CPLANE1: variants seen among roughly 807,000 people sequenced by gnomAD.
CPLANE1 encodes ciliogenesis and planar polarity effector 1.
A neutral mutation model predicts 362.5 loss-of-function variants in CPLANE1; 263 were observed. The observed-to-expected ratio is 0.73, with a 90% CI of 0.66 to 0.80. The LOEUF is 0.80. Among genes scored for constraint, CPLANE1 ranks in the 30% least tolerant of loss-of-function variants. The probability of loss-of-function intolerance (pLI) is 0.00; values close to 1 mark genes in which losing one functional copy is unlikely to be tolerated. For missense variants in CPLANE1, 3,461 were observed against 3,793.4 expected, an observed-to-expected ratio of 0.91 and a Z score of 2.30; for synonymous variants, 1,212 against 1,302.6, an observed-to-expected ratio of 0.93 and a Z score of 1.50.
At chr5:37,163,233 C>G (rs1436380372) in intron 37 of CPLANE1, among the ~76,000 whole-genome samples, 1 of 152,066 alleles carries the variant, frequency 6.6e-6, no homozygotes, top group East Asian at 1.9e-4. Flanking sequence ...GATGGGGAAA[C>G]AGGTTAAATT....
At position 37,227,690 on chromosome 5, in the gene CPLANE1, C is replaced by T. The variant is rs1561670145; in HGVS notation, c.1249G>A (p.Gly417Arg). 1 of 1,551,302 alleles carries T rather than the reference C, an allele frequency of 6.4e-7. No individual in the cohort carries two copies. The highest frequency in any genetic ancestry group is 1.2e-5 in the South Asian group (1 of 84,054). The change falls in exon 10 of 53, where the codon GGA (glycine) becomes AGA (arginine). Residue 417 changes from glycine to arginine, a missense_variant. Physicochemically the swap from Gly to Arg is moderately radical, Grantham distance 125 (BLOSUM62 -2). Around this residue, in one of 2 missense-constraint regions of CPLANE1, gnomAD observed 3,380 missense variants for 3,666.1 expected, o/e 0.92. Transcript: ENST00000651892. Reference sequence around the variant, plus strand: ...AATCGAAGGGTTGTGACCATATATCCATCAGATATAACGAGGTAGGGTAAC... The same window carrying T: ...AATCGAAGGGTTGTGACCATATATCTATCAGATATAACGAGGTAGGGTAAC... ...SRLPYLVISD[G>R]YMVTTLRFLD...
chr5:37,165,189 G>C (rs1777910517), intron 36 of CPLANE1, among the ~76,000 whole-genome samples: 1 of 152,170 alleles, frequency 6.6e-6, no homozygotes. Flanking sequence ...GGAAATCCTA[G>C]AGGAATCTCA....
chr5:37,198,268 G>C (rs555223971), intron 20 of CPLANE1, among the ~76,000 whole-genome samples: 15 of 152,150 alleles, frequency 9.9e-5, no homozygotes, highest in African/African-American at 3.1e-4. Flanking sequence ...AAATAGCAAG[G>C]GGGAGACCCT....
intron 17 of CPLANE1, among the ~76,000 whole-genome samples, chr5:37,205,824 C>T (rs1010093999): frequency 2.0e-5 from 3 of 152,170 alleles, no homozygotes; most frequent in African/African-American, 7.2e-5. Flanking sequence ...AGTGATCTTC[C>T]CACCTCAGCC....
At chr5:37,079,876 G>C in the CPLANE1 span, among the ~76,000 whole-genome samples, 2 of 152,186 alleles carry the variant, frequency 1.3e-5, no homozygotes, top group Non-Finnish European at 2.9e-5. Context: ...TATTTGAATT[G>C]TTGAGAAATG....
intron 46 of CPLANE1, among the ~76,000 whole-genome samples, chr5:37,134,193 A>T (rs2365840): frequency 0.046 from 7,013 of 152,146 alleles, 553 homozygotes; most frequent in African/African-American, 0.16. Context: ...TTGATTTTTT[A>T]AAAGAGTTTC....
chr5:37,179,916 T>C (rs1041963850), intron 28 of CPLANE1, 101 bp downstream of exon 28: 1 of 681,596 alleles, frequency 1.5e-6, no homozygotes, highest in Non-Finnish European at 2.4e-6. Flanking sequence ...ACTGTAAACA[T>C]ACTAACTTAG....
At position 37,243,123 on chromosome 5, in the gene CPLANE1, T is replaced by C. The variant is rs1581041456; in HGVS notation, c.571-4A>G. The stretch of plus-strand genomic sequence containing the variant: ...ACAGGCAGCAGTCTCCAAATAACTG[T>C]AGATAAATTTAATATACTTTAGTAT... On this transcript the variant is annotated splice_region_variant and splice_polypyrimidine_tract_variant and intron_variant, in intron 5 of 52. Transcript: ENST00000651892. The C allele has an allele frequency of 6.8e-7, 1 of 1,472,116 alleles. No homozygotes were observed. The highest frequency in any genetic ancestry group is 9.2e-7 in the Non-Finnish European group (1 of 1,089,834). The allele number at this position is 1,472,116 out of a possible 1,614,324, so 91.2% of individuals were successfully genotyped here.
chr5:37,137,142 T>C (rs190059692), intron 46 of CPLANE1, among the ~76,000 whole-genome samples: 46 of 152,314 alleles, frequency 3.0e-4, no homozygotes, highest in African/African-American at 1.1e-3. Flanking sequence ...CTTGAATGCT[T>C]TGCCACTTAG....
At chr5:37,088,356 G>A in the CPLANE1 span, among the ~76,000 whole-genome samples, 1 of 152,198 alleles carries the variant, frequency 6.6e-6, no homozygotes, top group African/African-American at 2.4e-5. Flanking sequence ...GGTAGGAACT[G>A]AGACAAACAA....
rs1049036124 is a variant in CPLANE1 at position 37,165,568 on chromosome 5, CATT to C, written c.7501_7503del (p.Asn2501del). ...GGTTTCTTAATGATTTCTGAATCAT[CATT>C]ATTAATTATGGAATTCTCTGGTCGA... On this transcript the variant is annotated inframe_deletion, in exon 36 of 53. Transcript: ENST00000651892. The C allele has an allele frequency of 6.2e-7, 1 of 1,608,356 alleles. No homozygotes were observed. The highest frequency in any genetic ancestry group is 1.1e-5 in the South Asian group (1 of 89,226).
the CPLANE1 span, among the ~76,000 whole-genome samples, chr5:37,076,605 C>A: frequency 6.6e-6 from 1 of 152,084 alleles, no homozygotes; most frequent in East Asian, 1.9e-4. Context: ...AGCCACCACA[C>A]CTGGCGATGT....
In CPLANE1 at chr5:37,227,241, A is replaced by T. The variant is rs997201268; in HGVS notation, c.1521+2T>A. ...AGTAAATAAAATTCTGCTGCTAAGT[A>T]CCTGAAAATCTGCTGCATTTTCATT... is the stretch of plus-strand genomic sequence containing the variant. On this transcript the variant is annotated splice_donor_variant, in intron 11 of 52. Transcript: ENST00000651892. LOFTEE classifies it high-confidence loss of function. The T allele has an allele frequency of 3.2e-6, 5 of 1,550,650 alleles. No individual in the cohort carries two copies. The highest frequency in any genetic ancestry group is 4.4e-6 in the Non-Finnish European group (5 of 1,146,572).
the CPLANE1 span, among the ~76,000 whole-genome samples, chr5:37,084,335 A>C: frequency 6.6e-6 from 1 of 152,348 alleles, no homozygotes; most frequent in East Asian, 1.9e-4. Context: ...TTTAAAGCAT[A>C]AATCTCACAG....
Position 37,227,344 on chromosome 5 carries a change from T to C in CPLANE1, c.1420A>G (p.Ser474Gly). 2 of 1,551,862 alleles carry C rather than the reference T, an allele frequency of 1.3e-6. No homozygotes were observed. Among genetic ancestry groups the C allele is most frequent in the South Asian group, 1.2e-5 (1 of 83,988 alleles). Residue 474 changes from serine (S) to glycine (G), a missense_variant, in exon 11 of 53, where the codon AGC becomes GGC. This residue lies in a region of CPLANE1 where 3,380 missense variants were observed against 3,666.1 expected (regional missense o/e 0.92). Transcript: ENST00000651892. ...NLRSLNSLRS[S>G]LLEHQGNESS... Reference sequence around the variant, plus strand: ...TCATTTCCTTGGTGTTCTAACAGGCTAGACCTTAGGGAATTCAGTGATCGC... The same window carrying C: ...TCATTTCCTTGGTGTTCTAACAGGCCAGACCTTAGGGAATTCAGTGATCGC...
At chr5:37,221,291 TA>T (rs1297396595) in intron 15 of CPLANE1, 32 bp downstream of exon 15, 1 of 1,421,298 alleles carries the variant, frequency 7.0e-7, no homozygotes. Flanking sequence ...TGTCTCTTTT[TA>T]AAAATACAAA....
chr5:37,124,947 G>T (rs1279045457), intron 47 of CPLANE1: 3 of 1,115,052 alleles, frequency 2.7e-6, no homozygotes, highest in Non-Finnish European at 3.3e-6. Context: ...ATTAAAGGAA[G>T]AACTCCAATT....
In CPLANE1 at chr5:37,157,748, C is replaced by A; in HGVS notation, c.7933G>T (p.Val2645Phe). The change falls in exon 40 of 53, where the codon GTT (valine) becomes TTT (phenylalanine). Residue 2645 changes from valine to phenylalanine, a missense_variant. Around this residue, in one of 2 missense-constraint regions of CPLANE1, gnomAD observed 3,380 missense variants for 3,666.1 expected, o/e 0.92. Coordinates refer to ENST00000651892, the MANE Select transcript of CPLANE1 (RefSeq NM_001384732.1). ...VIKQQSDHLAVPSSAELHYMA... is the reference protein window; with the variant it reads ...VIKQQSDHLAFPSSAELHYMA... ...TAATGTAACTCTGCAGACGATGGAA[C>A]TGCTAGATGATCGCTTTGCTGTTTG... 1 of 1,613,822 alleles carries A rather than the reference C, an allele frequency of 6.2e-7. No homozygotes were observed. The highest frequency in any genetic ancestry group is 1.1e-5 in the South Asian group (1 of 91,074).
At chr5:37,169,963 G>C in intron 33 of CPLANE1, 78 bp downstream of exon 33, 1 of 1,414,846 alleles carries the variant, frequency 7.1e-7, no homozygotes, top group Non-Finnish European at 9.8e-7. Context: ...CCAACCTCAG[G>C]TGTGGCCTGC....
Sources: allele counts gnomAD v4.1 joint callset (sites outside exome capture counted in the v4.1 genomes callset), GRCh38; gene constraint gnomAD v4.1.1; regional missense constraint gnomAD v4.1.1; transcripts MANE v1.5; gene names NCBI Gene and HGNC (gene_info 2026-07-23, HGNC 2026-07-21).